The following DIS3L2 variants were observed in gnomAD, a reference collection of about 807,000 sequenced individuals.
The protein encoded by DIS3L2 is DIS3 like 3'-5' exoribonuclease 2.
Under a neutral mutation model 97.5 loss-of-function variants are expected in DIS3L2, and 34 were observed. That is an observed-to-expected ratio of 0.35 (90% CI 0.27 to 0.46). DIS3L2 has a LOEUF of 0.46. DIS3L2 is among the 20% of genes least tolerant of loss of function. DIS3L2 has a pLI of 1.00. For missense variants in DIS3L2, 1,038 were observed against 1,146.0 expected, an observed-to-expected ratio of 0.91 and a Z score of 1.36; for synonymous variants, 435 against 445.2, an observed-to-expected ratio of 0.98 and a Z score of 0.29.
At chr2:231,990,017 T>TG (rs1693539163) in intron 1 of DIS3L2, among the ~76,000 whole-genome samples, 1 of 152,174 alleles carries the variant, frequency 6.6e-6, no homozygotes, top group Non-Finnish European at 1.5e-5. Context: ...TTACTGTTGT[T>TG]GCCTAGGTTT....
chr2:232,121,367 G>A (rs1375122446), intron 6 of DIS3L2, among the ~76,000 whole-genome samples: 1 of 152,026 alleles, frequency 6.6e-6, no homozygotes, highest in African/African-American at 2.4e-5. Context: ...CTTAAATGTT[G>A]ATGTTCTCCA....
intron 17 of DIS3L2, 87 bp from the exon 18 acceptor site, chr2:232,334,282 G>A (rs896245855): frequency 1.7e-5 from 25 of 1,484,078 alleles, no homozygotes; most frequent in Non-Finnish European, 2.3e-5. Flanking sequence ...TGTCGGCGGG[G>A]GTGCAGCGCC....
intron 9 of DIS3L2, among the ~76,000 whole-genome samples, chr2:232,187,511 C>G (rs377590741): frequency 6.6e-6 from 1 of 152,010 alleles, no homozygotes; most frequent in African/African-American, 2.4e-5. Flanking sequence ...GGTGCGATCT[C>G]GGCTCACTGC....
intron 5 of DIS3L2, among the ~76,000 whole-genome samples, chr2:232,063,252 A>G (rs981641829): frequency 6.6e-6 from 1 of 152,196 alleles, no homozygotes; most frequent in African/African-American, 2.4e-5. Context: ...CAGTTGATCA[A>G]TGGCACTTAG....
chr2:232,162,863 T>A (rs1690694973), intron 8 of DIS3L2, among the ~76,000 whole-genome samples: 1 of 152,234 alleles, frequency 6.6e-6, no homozygotes, highest in African/African-American at 2.4e-5. Flanking sequence ...ATGTTAGCAT[T>A]GTCCTGTTAA....
chr2:232,021,418 G>A (rs1205776207), intron 3 of DIS3L2, among the ~76,000 whole-genome samples: 2 of 152,146 alleles, frequency 1.3e-5, no homozygotes, highest in South Asian at 2.1e-4. Context: ...GTAGACAGAA[G>A]ATTGCCATCG....
At chr2:232,307,479 A>T (rs1043871952) in intron 14 of DIS3L2, 17 of 152,022 alleles carry the variant, frequency 1.1e-4, no homozygotes, top group African/African-American at 4.1e-4. Flanking sequence ...AACTCTAAAT[A>T]TAGTGGTAAT....
intron 12 of DIS3L2, among the ~76,000 whole-genome samples, chr2:232,250,899 C>A (rs1693399502): frequency 6.6e-6 from 1 of 152,004 alleles, no homozygotes; most frequent in African/African-American, 2.4e-5. Context: ...AAGATACTAA[C>A]CTTAAGAGTT....
intron 14 of DIS3L2, 28 bp from the exon 15 acceptor site, chr2:232,329,785 T>TGCCCGGGGGGGGGCCCCC: frequency 7.3e-5 from 71 of 967,090 alleles, no homozygotes; most frequent in Non-Finnish European, 8.6e-5. Flanking sequence ...ACCCCAGCGG[T>TGCCCGGGGGGGGGCCCCC]CCCTCCCATC....
At chr2:232,342,148 TACACATATACATATAC>T (rs1261325379), downstream of DIS3L2, among the ~76,000 whole-genome samples, 5 of 152,126 alleles carry the variant, frequency 3.3e-5, no homozygotes, top group East Asian at 9.6e-4. Flanking sequence ...TATACATATA[TACACATATACATATAC>T]ACATACACAT....
At chr2:232,275,908 C>T (rs943581550) in intron 13 of DIS3L2, among the ~76,000 whole-genome samples, 6 of 152,332 alleles carry the variant, frequency 3.9e-5, no homozygotes, top group Non-Finnish European at 1.5e-5. Flanking sequence ...TCTACAGTAA[C>T]ACCAGCTGTG....
intron 9 of DIS3L2, among the ~76,000 whole-genome samples, chr2:232,198,336 AACTTTTTAT>A (rs1441468475): frequency 2.6e-5 from 4 of 152,210 alleles, no homozygotes; most frequent in Non-Finnish European, 5.9e-5. Context: ...GATTGTATAG[AACTTTTTAT>A]ACTTTAACTC....
chr2:232,329,785 T>TGCCCGGGGGGGCA, intron 14 of DIS3L2, 28 bp from the exon 15 acceptor site: 1 of 967,144 alleles, frequency 1.0e-6, no homozygotes, highest in Non-Finnish European at 1.5e-6. Flanking sequence ...ACCCCAGCGG[T>TGCCCGGGGGGGCA]CCCTCCCATC....
At chr2:232,160,522 C>A (rs988014970) in intron 8 of DIS3L2, among the ~76,000 whole-genome samples, 10 of 151,830 alleles carry the variant, frequency 6.6e-5, no homozygotes, top group Admixed American at 5.9e-4. Context: ...TTGTGTTTTT[C>A]CCTCCTTGTT....
chr2:232,103,311 C>G (rs1697258239), intron 6 of DIS3L2, among the ~76,000 whole-genome samples: 1 of 152,068 alleles, frequency 6.6e-6, no homozygotes, highest in Admixed American at 6.6e-5. Flanking sequence ...TTGTTCCAGA[C>G]TTTAATGGGA....
Position 232,334,382 on chromosome 2 carries a change from A to T in DIS3L2, c.2172A>T (p.Arg724=), listed in dbSNP as rs1323912601. 6.2e-7 allele frequency: 1 copy of T among 1,613,468 alleles called. No homozygotes were observed. The highest frequency in any genetic ancestry group is 1.1e-5 in the South Asian group (1 of 91,082). Residue 724 remains arginine (R), a synonymous_variant, in exon 18 of 21, where the codon CGA becomes CGT. Transcript: ENST00000325385. ...CCCTCTTCCCAGGCTATAGGGAGCGACTAGACATGGCGCCCGATACCCTGC... is the reference window on the plus strand; with the variant it reads ...CCCTCTTCCCAGGCTATAGGGAGCGTCTAGACATGGCGCCCGATACCCTGC... ...LLAAALGYRE[R]LDMAPDTLQK...
chr2:232,334,532 C>T (rs1379002711), intron 18 of DIS3L2, 33 bp downstream of exon 18: 2 of 1,611,852 alleles, frequency 1.2e-6, no homozygotes, highest in Non-Finnish European at 1.7e-6. Flanking sequence ...CCTCACCTCC[C>T]TCTGGCTCCC....
At chr2:232,218,803 G>A (rs748390485) in intron 10 of DIS3L2, among the ~76,000 whole-genome samples, 5 of 152,042 alleles carry the variant, frequency 3.3e-5, no homozygotes, top group South Asian at 2.1e-4. Context: ...TCTTTCCTAC[G>A]TGGCACGCAC....
At position 232,102,149 on chromosome 2, in the gene DIS3L2, C is replaced by T. The variant is rs115873771; in HGVS notation, c.601+14428C>T. On this transcript the variant is annotated intron_variant, in intron 6 of 20. Coordinates refer to ENST00000325385, the MANE Select transcript of DIS3L2 (RefSeq NM_152383.5). ...AGCATTCATGCTAAAAATGTTTCAC[C>T]GGAATCAAGCCTCTAGCCCTAACTT... 3.8e-3 allele frequency among the ~76,000 whole-genome samples: 584 copies of T among 152,204 alleles called. 3 individuals are homozygous for T. Among genetic ancestry groups the T allele is most frequent in the African/African-American group, 0.013 (555 of 41,534 alleles).
Sources: gnomAD v4.1 joint callset for allele counts (sites outside exome capture counted in the v4.1 genomes callset) on GRCh38, gnomAD v4.1.1 for gene constraint, MANE v1.5 for transcripts, NCBI Gene and HGNC (gene_info 2026-07-23, HGNC 2026-07-21) for gene names.